Variants in CSMD3 observed in about 807,000 individuals in gnomAD.
CSMD3 encodes CUB and Sushi multiple domains 3, also known as CUB and sushi domain-containing protein 3.
A neutral mutation model predicts 435.2 loss-of-function variants in CSMD3; 177 were observed. That is an observed-to-expected ratio of 0.41 (90% confidence interval 0.36 to 0.46). CSMD3 has a LOEUF of 0.46. CSMD3 is among the 20% of genes least tolerant of loss of function. The pLI is 0.34. For missense variants in CSMD3, 4,265 were observed against 4,504.6 expected, an observed-to-expected ratio of 0.95 and a Z score of 1.52; for synonymous variants, 1,656 against 1,520.5, an observed-to-expected ratio of 1.09 and a Z score of -2.07.
At chr8:112,744,605 A>C (rs1000140307) in intron 13 of CSMD3, among the ~76,000 whole-genome samples, 12 of 152,028 alleles carry the variant, frequency 7.9e-5, no homozygotes, top group African/African-American at 2.7e-4. Flanking sequence ...CTCTGTCCTT[A>C]ATATAGAGAT....
intron 10 of CSMD3, among the ~76,000 whole-genome samples, chr8:112,903,683 A>C (rs1490516756): frequency 6.6e-6 from 1 of 151,320 alleles, no homozygotes; most frequent in African/African-American, 2.4e-5. Context: ...TAGGTCTCTC[A>C]TCACCTGCTG....
chr8:112,332,187 C>T (rs1416185751), intron 45 of CSMD3, among the ~76,000 whole-genome samples: 1 of 152,022 alleles, frequency 6.6e-6, no homozygotes, highest in Non-Finnish European at 1.5e-5. Flanking sequence ...CAATAAACTC[C>T]TAAGGCTTAT....
intron 4 of CSMD3, among the ~76,000 whole-genome samples, chr8:113,103,777 A>G (rs1047840425): frequency 6.6e-6 from 1 of 152,076 alleles, no homozygotes; most frequent in Non-Finnish European, 1.5e-5. Context: ...TCTCTTACCT[A>G]TAGAGCAGGG....
At chr8:112,479,874 C>T (rs1226008075) in intron 31 of CSMD3, among the ~76,000 whole-genome samples, 1 of 152,194 alleles carries the variant, frequency 6.6e-6, no homozygotes, top group Admixed American at 6.5e-5. Flanking sequence ...GTAGAACCCA[C>T]ACAAAGTCCC....
At chr8:112,933,307 A>G (rs10089724) in intron 9 of CSMD3, among the ~76,000 whole-genome samples, 6,090 of 152,282 alleles carry the variant, frequency 0.04, 415 homozygotes, top group African/African-American at 0.14. Flanking sequence ...GCGTTCTATA[A>G]TGGTATGAAA....
Position 112,346,152 on chromosome 8 carries a change from T to G in CSMD3, c.6387A>C (p.Gly2129=), listed in dbSNP as rs752265830. 6.2e-7 allele frequency: 1 copy of G among 1,613,808 alleles called. No homozygotes were observed. Among genetic ancestry groups the G allele is most frequent in the South Asian group, 1.1e-5 (1 of 91,078 alleles). The change falls in exon 41 of 71, where the codon GGA becomes GGC. Residue 2129 remains glycine (G), a synonymous_variant. Coordinates refer to ENST00000297405, the MANE Select transcript of CSMD3 (RefSeq NM_198123.2). ...SGVILSPGFP[G]NYPSSLDCTW... The stretch of plus-strand genomic sequence containing the variant: ...TGCAATCTAAACTGCTGGGATAGTT[T>G]CCAGGAAACCCAGGACTGAGGATCA...
intron 3 of CSMD3, among the ~76,000 whole-genome samples, chr8:113,199,908 G>A (rs758103496): frequency 3.3e-5 from 5 of 151,842 alleles, no homozygotes; most frequent in Admixed American, 6.6e-5. Flanking sequence ...TGCTCTTCCA[G>A]GTGCAGGGCC....
At chr8:112,366,851 A>T (rs533633520) in intron 38 of CSMD3, among the ~76,000 whole-genome samples, 7 of 152,202 alleles carry the variant, frequency 4.6e-5, no homozygotes, top group Non-Finnish European at 8.8e-5. Flanking sequence ...CTCCTTAGAG[A>T]TGGACAAAAT....
chr8:113,212,266 C>T (rs952573631), intron 3 of CSMD3, among the ~76,000 whole-genome samples: 1 of 152,074 alleles, frequency 6.6e-6, no homozygotes, highest in Non-Finnish European at 1.5e-5. Flanking sequence ...ATAATAAAAT[C>T]TGCTGTGGTG....
intron 58 of CSMD3, among the ~76,000 whole-genome samples, chr8:112,285,886 T>A (rs1470023682): frequency 1.3e-5 from 2 of 151,902 alleles, no homozygotes; most frequent in Non-Finnish European, 2.9e-5. Context: ...ACCTGGCTAA[T>A]TTTTAAGATT....
At chr8:113,229,486 CAA>C (rs553625609) in intron 3 of CSMD3, among the ~76,000 whole-genome samples, 8 of 135,248 alleles carry the variant, frequency 5.9e-5, no homozygotes, top group African/African-American at 8.1e-5. Flanking sequence ...CCTTTGCCAG[CAA>C]AAAAAAAAAA....
At chr8:113,170,690 A>C (rs961113118) in intron 4 of CSMD3, among the ~76,000 whole-genome samples, 16 of 152,144 alleles carry the variant, frequency 1.1e-4, no homozygotes, top group African/African-American at 3.4e-4. Context: ...GTTCTTAAAA[A>C]CAGAAAATGT....
chr8:112,336,973 A>G (rs1824631525), intron 43 of CSMD3, 144 bp from the exon 44 acceptor site: 5 of 726,446 alleles, frequency 6.9e-6, no homozygotes, highest in South Asian at 1.6e-5. Flanking sequence ...ATGTATAATG[A>G]AGTTGGCAAC....
chr8:112,366,480 C>T (rs1827789542), intron 38 of CSMD3, among the ~76,000 whole-genome samples: 1 of 152,306 alleles, frequency 6.6e-6, no homozygotes, highest in African/African-American at 2.4e-5. Context: ...GCACTGCAAC[C>T]TCTGCCTCCC....
At chr8:113,270,421 T>C (rs1231440402) in intron 3 of CSMD3, among the ~76,000 whole-genome samples, 2 of 152,130 alleles carry the variant, frequency 1.3e-5, no homozygotes, top group African/African-American at 4.8e-5. Context: ...GTGTGGTGAT[T>C]CCTCATGGAT....
At chr8:112,375,104 A>G (rs11785419) in intron 38 of CSMD3, among the ~76,000 whole-genome samples, 30,956 of 152,124 alleles carry the variant, frequency 0.2, 3,711 homozygotes, top group East Asian at 0.39. Flanking sequence ...CCAATAGTAA[A>G]TTCTTTCTTA....
chr8:112,735,040 A>G (rs894350248), intron 13 of CSMD3, among the ~76,000 whole-genome samples: 2 of 152,064 alleles, frequency 1.3e-5, no homozygotes, highest in Non-Finnish European at 2.9e-5. Flanking sequence ...ATTGTAGCAG[A>G]GAACATGAAT....
At chr8:112,800,713 C>T (rs1340402180) in intron 12 of CSMD3, among the ~76,000 whole-genome samples, 1 of 151,882 alleles carries the variant, frequency 6.6e-6, no homozygotes, top group Non-Finnish European at 1.5e-5. Flanking sequence ...AGAGTATAAC[C>T]GAACCCTTTG....
chr8:112,629,454 C>G, intron 22 of CSMD3, among the ~76,000 whole-genome samples: 1 of 152,112 alleles, frequency 6.6e-6, no homozygotes, highest in Non-Finnish European at 1.5e-5. Flanking sequence ...TTAAAAAAAT[C>G]ATTTGTTTGC....
Sources: allele counts gnomAD v4.1 joint callset (sites outside exome capture counted in the v4.1 genomes callset), GRCh38; gene constraint gnomAD v4.1.1; transcripts MANE v1.5; gene names NCBI Gene and HGNC (gene_info 2026-07-23, HGNC 2026-07-21).